Variants in NOMO1 observed in about 807,000 individuals in gnomAD.
The protein encoded by NOMO1 is nodal modulator 3.
A neutral mutation model predicts 133.8 loss-of-function variants in NOMO1; 40 were observed. That is an observed-to-expected ratio of 0.30 (90% CI 0.23 to 0.39). The LOEUF is 0.39. NOMO1 is among the 10% of genes least tolerant of loss of function. NOMO1 has a pLI of 1.00. For missense variants in NOMO1, 462 were observed against 1,419.9 expected, an observed-to-expected ratio of 0.33 and a Z score of 10.84; for synonymous variants, 236 against 570.5, an observed-to-expected ratio of 0.41 and a Z score of 8.36.
chr16:14,882,810 A>G, intron 26 of NOMO1, 133 bp downstream of exon 26: 1 of 1,512,324 alleles, frequency 6.6e-7, no homozygotes. Flanking sequence ...GTCCTCTTAG[A>G]ATAGTGTCAT....
intron 27 of NOMO1, among the ~76,000 whole-genome samples, chr16:14,886,425 T>TA (rs1266071949): frequency 7.2e-6 from 1 of 138,920 alleles, no homozygotes; most frequent in Non-Finnish European, 1.5e-5. Context: ...ATAATGTAGA[T>TA]AAAATATCTG....
chr16:14,883,339 CTTT>C (rs1239971993), intron 26 of NOMO1, among the ~76,000 whole-genome samples: 7 of 140,938 alleles, frequency 5.0e-5, no homozygotes, highest in Non-Finnish European at 1.6e-5. Context: ...TTTTCTTTTT[CTTT>C]TTTTTTTTTT....
At position 14,846,757 on chromosome 16, in the gene NOMO1, G is replaced by A. The variant is rs1056096030; in HGVS notation, c.509+74G>A. 24 of 1,483,058 alleles carry A rather than the reference G, an allele frequency of 1.6e-5. No homozygotes were observed. The African/African-American group carries it at 2.8e-4, about 17-fold the overall frequency. 91.9% of individuals were successfully genotyped at this position (1,483,058 alleles called of 1,614,324 possible). ...AGGGGTCATGGAGCTGGGTTTGGGAGTTTGGATTCAGGGAGTTCTGGGTTC... is the reference window on the plus strand; with the variant it reads ...AGGGGTCATGGAGCTGGGTTTGGGAATTTGGATTCAGGGAGTTCTGGGTTC... On this transcript the variant is annotated intron_variant, in intron 5 of 30. Coordinates refer to ENST00000287667, the MANE Select transcript of NOMO1 (RefSeq NM_014287.4).
chr16:14,866,575 T>C lies in NOMO1; in HGVS notation c.1690T>C (p.Trp564Arg). ...KYKISIMHED[W>R]CWKNKSLEVE... ...TGCAGTAAGCATCATGCATGAGGAT[T>C]GGTGCTGGAAGAACAAGAGCCTGGA... Residue 564 changes from tryptophan (W) to arginine (R), a missense_variant, in exon 15 of 31, where the codon TGG (tryptophan) becomes CGG (arginine). Transcript: ENST00000287667. The C allele has an allele frequency of 6.2e-7, 1 of 1,610,162 alleles. No individual in the cohort carries two copies. The highest frequency in any genetic ancestry group is 8.5e-7 in the Non-Finnish European group (1 of 1,179,744).
rs993794776 is a variant in NOMO1 at position 14,839,749 on chromosome 16, C to CT, written c.255+1263dup. On this transcript the variant is annotated intron_variant, in intron 2 of 30. Transcript: ENST00000287667. ...TAGATAGATCTACTGACTTTTTTTT[C>CT]TTTTTTTTTTGAGACAGAGTGTCAC... Among the ~76,000 whole-genome samples, 430 of 148,254 alleles carry CT rather than the reference C, an allele frequency of 2.9e-3. 3 individuals are homozygous for CT. The highest frequency in any genetic ancestry group is 5.9e-3 in the Admixed American group (87 of 14,796).
At chr16:14,871,415 G>T (rs1013763884) in intron 16 of NOMO1, among the ~76,000 whole-genome samples, 2 of 152,102 alleles carry the variant, frequency 1.3e-5, no homozygotes, top group East Asian at 1.9e-4. Context: ...CTGTGATCGC[G>T]CCATTGCATG....
At chr16:14,867,812 G>C (rs1029262942) in intron 15 of NOMO1, among the ~76,000 whole-genome samples, 2 of 145,682 alleles carry the variant, frequency 1.4e-5, no homozygotes, top group African/African-American at 5.1e-5. Context: ...ATTAATATCC[G>C]GTTCATAATA....
chr16:14,843,348 T>G (rs1262216321), intron 3 of NOMO1, among the ~76,000 whole-genome samples: 4 of 149,044 alleles, frequency 2.7e-5, no homozygotes, highest in African/African-American at 5.0e-5. Context: ...TATATTTTGA[T>G]ACATGTGTCT....
At chr16:14,836,684 TTC>T (rs1255579710) in intron 1 of NOMO1, among the ~76,000 whole-genome samples, 2 of 151,822 alleles carry the variant, frequency 1.3e-5, no homozygotes, top group Non-Finnish European at 2.9e-5. Context: ...AAACTGCTTT[TTC>T]CATTTTACTT....
chr16:14,842,926 AT>A (rs1963627362), intron 3 of NOMO1, among the ~76,000 whole-genome samples: 1 of 150,824 alleles, frequency 6.6e-6, no homozygotes, highest in Non-Finnish European at 1.5e-5. Context: ...TTTATATTTT[AT>A]TTTATTTTTT....
At chr16:14,861,709 G>A (rs2151897946) in intron 11 of NOMO1, among the ~76,000 whole-genome samples, 1 of 151,532 alleles carries the variant, frequency 6.6e-6, no homozygotes, top group Non-Finnish European at 1.5e-5. Context: ...GAGCCATACG[G>A]TCTCTAGGAC....
At chr16:14,836,606 C>T (rs1963513999) in intron 1 of NOMO1, among the ~76,000 whole-genome samples, 1 of 151,824 alleles carries the variant, frequency 6.6e-6, no homozygotes, top group African/African-American at 2.4e-5. Context: ...TTCCTTGAGC[C>T]CAGTATGTTC....
chr16:14,851,083 CAAAAAAA>C (rs61323903), intron 6 of NOMO1, among the ~76,000 whole-genome samples: 1 of 97,280 alleles, frequency 1.0e-5, no homozygotes, highest in South Asian at 3.5e-4. Flanking sequence ...GACTCCATCT[CAAAAAAA>C]AAAAAAAAAA....
rs1174703237 is a variant in NOMO1 at position 14,867,176 on chromosome 16, A to ATTTT, written c.1806+511_1806+514dup. On this transcript the variant is annotated intron_variant, in intron 15 of 30. Coordinates refer to ENST00000287667, the MANE Select transcript of NOMO1 (RefSeq NM_014287.4). ...TATATATATATATATATATATATATATTTTTTTTTTTTTTTTTTTTTTTTT... is the reference window on the plus strand; with the variant it reads ...TATATATATATATATATATATATATATTTTTTTTTTTTTTTTTTTTTTTTTTTTT... Among the ~76,000 whole-genome samples, 26 of 7,472 alleles carry ATTTT rather than the reference A, an allele frequency of 3.5e-3. 1 individual carries two copies. The highest frequency in any genetic ancestry group is 0.011 in the Admixed American group (3 of 262). 4.9% of individuals were successfully genotyped at this position (7,472 alleles called of 152,430 possible).
At chr16:14,861,630 C>A (rs1358874260) in intron 11 of NOMO1, among the ~76,000 whole-genome samples, 2 of 145,364 alleles carry the variant, frequency 1.4e-5, no homozygotes, top group Non-Finnish European at 3.0e-5. Context: ...AACCAAAATG[C>A]ATATGCTAGG....
chr16:14,871,478 A>G, intron 16 of NOMO1, 143 bp from the exon 17 acceptor site: 6 of 1,157,962 alleles, frequency 5.2e-6, no homozygotes, highest in Middle Eastern at 3.0e-4. Context: ...ATGCCTGCCC[A>G]GTATTTCTGA....
chr16:14,842,133 A>G lies in NOMO1; in HGVS notation c.301+726A>G, dbSNP rs1963612780. 4.6e-5 allele frequency among the ~76,000 whole-genome samples: 7 copies of G among 151,950 alleles called. 1 individual carries two copies. In the South Asian group the frequency reaches 1.5e-3, roughly 32 times the overall value. ...GGGAGTCGGGGATGGGGTTGAGATC[A>G]GAAGAGAGGGTCTGTTTTGATGTAG... On this transcript the variant is annotated intron_variant, in intron 3 of 30. Coordinates refer to ENST00000287667, the MANE Select transcript of NOMO1 (RefSeq NM_014287.4).
At chr16:14,878,991 C>G (rs1293963624) in intron 23 of NOMO1, among the ~76,000 whole-genome samples, 157 bp downstream of exon 23, 1 of 151,968 alleles carries the variant, frequency 6.6e-6, no homozygotes, top group East Asian at 1.9e-4. Flanking sequence ...GAGTATTGCT[C>G]TTACTCGAAC....
chr16:14,851,802 CTATATATCATT>C (rs1252092592), intron 6 of NOMO1, among the ~76,000 whole-genome samples: 1 of 60,358 alleles, frequency 1.7e-5, no homozygotes, highest in African/African-American at 4.0e-5. Flanking sequence ...TCAGTTAACA[CTATATATCATT>C]AAAAATAGAA....
Sources: gnomAD v4.1 joint callset for allele counts (sites outside exome capture counted in the v4.1 genomes callset) on GRCh38, gnomAD v4.1.1 for gene constraint, MANE v1.5 for transcripts, NCBI Gene and HGNC (gene_info 2026-07-23, HGNC 2026-07-21) for gene names.